GRIK3: variants seen among roughly 807,000 people sequenced by gnomAD.
GRIK3 encodes glutamate ionotropic receptor kainate type subunit 3.
In GRIK3, 29 loss-of-function variants were observed where a neutral mutation model predicts 102.5. The ratio of observed to expected loss-of-function variants is 0.28; its 90% CI spans 0.21 to 0.39. The LOEUF is 0.39. GRIK3 is among the 10% of genes least tolerant of loss of function. GRIK3 has a pLI of 1.00. For missense variants in GRIK3, 908 were observed against 1,252.4 expected (o/e 0.73, Z 4.15); for synonymous variants, 511 against 504.9 (o/e 1.01, Z -0.16).
intron 1 of GRIK3, among the ~76,000 whole-genome samples, chr1:37,032,011 G>A (rs908774904): frequency 6.6e-6 from 1 of 152,186 alleles, no homozygotes; most frequent in Non-Finnish European, 1.5e-5. Flanking sequence ...AGGGCTCTTG[G>A]ATATAAATGA....
chr1:36,924,903 C>T (rs996946369), intron 1 of GRIK3, among the ~76,000 whole-genome samples: 4 of 152,162 alleles, frequency 2.6e-5, no homozygotes, highest in African/African-American at 4.8e-5. Context: ...CCCAGACACA[C>T]ACAGACATGC....
intron 1 of GRIK3, among the ~76,000 whole-genome samples, chr1:36,919,573 T>C (rs1410955745): frequency 1.3e-5 from 2 of 151,988 alleles, no homozygotes; most frequent in East Asian, 3.9e-4. Flanking sequence ...GAGTCAGGCA[T>C]GGTCATGCCT....
intron 1 of GRIK3, among the ~76,000 whole-genome samples, chr1:36,923,575 C>A (rs528261023): frequency 1.2e-4 from 19 of 152,326 alleles, no homozygotes; most frequent in African/African-American, 3.4e-4. Flanking sequence ...GGCCCTAGCT[C>A]TATCCTTGCA....
chr1:36,940,124 G>T (rs1161356971), intron 1 of GRIK3, among the ~76,000 whole-genome samples: 2 of 152,232 alleles, frequency 1.3e-5, no homozygotes, highest in Non-Finnish European at 2.9e-5. Context: ...ATTACAGAAT[G>T]TAATAATTAT....
chr1:36,997,707 G>T (rs1235840823), intron 1 of GRIK3, among the ~76,000 whole-genome samples: 1 of 152,128 alleles, frequency 6.6e-6, no homozygotes, highest in Non-Finnish European at 1.5e-5. Context: ...GTGCCGTGGT[G>T]GTCAGGCCCA....
At chr1:36,912,372 T>C (rs544065612) in intron 1 of GRIK3, among the ~76,000 whole-genome samples, 1 of 152,222 alleles carries the variant, frequency 6.6e-6, no homozygotes, top group South Asian at 2.1e-4. Context: ...GCAGGCACCG[T>C]TGGGATGCAG....
chr1:36,932,353 G>A (rs543348263), intron 1 of GRIK3, among the ~76,000 whole-genome samples: 14 of 152,126 alleles, frequency 9.2e-5, no homozygotes, highest in Non-Finnish European at 1.9e-4. Context: ...CCAAGCATGC[G>A]ACAGCCACAG....
At chr1:36,976,547 G>T (rs2124362753) in intron 1 of GRIK3, among the ~76,000 whole-genome samples, 1 of 152,166 alleles carries the variant, frequency 6.6e-6, no homozygotes, top group Non-Finnish European at 1.5e-5. Flanking sequence ...GGTGGACAAG[G>T]TCTACCCAGT....
At chr1:36,984,284 C>T (rs1413819455) in intron 1 of GRIK3, among the ~76,000 whole-genome samples, 1 of 152,220 alleles carries the variant, frequency 6.6e-6, no homozygotes, top group African/African-American at 2.4e-5. Context: ...ATCTAATGCT[C>T]ACACCATACT....
intron 1 of GRIK3, among the ~76,000 whole-genome samples, chr1:37,014,060 C>T (rs538738383): frequency 2.0e-5 from 3 of 152,382 alleles, no homozygotes; most frequent in Admixed American, 1.3e-4. Context: ...GCATTCTTCA[C>T]AAGGCAGGCT....
intron 1 of GRIK3, among the ~76,000 whole-genome samples, chr1:36,978,861 G>A (rs971420158): frequency 1.3e-5 from 2 of 152,186 alleles, no homozygotes; most frequent in South Asian, 2.1e-4. Flanking sequence ...TAAGTCACAC[G>A]GCCAGCTAGA....
At chr1:36,915,044 G>A (rs1641383835) in intron 1 of GRIK3, among the ~76,000 whole-genome samples, 1 of 152,154 alleles carries the variant, frequency 6.6e-6, no homozygotes, top group South Asian at 2.1e-4. Context: ...AAGGAATTCT[G>A]AGCGACCTTG....
intron 9 of GRIK3, among the ~76,000 whole-genome samples, chr1:36,842,709 C>T (rs903239111): frequency 2.6e-5 from 4 of 152,218 alleles, no homozygotes; most frequent in Admixed American, 2.6e-4. Context: ...CAGAGCTCAG[C>T]AGACAGGAGC....
At chr1:36,997,510 G>A (rs191750216) in intron 1 of GRIK3, among the ~76,000 whole-genome samples, 3 of 152,316 alleles carry the variant, frequency 2.0e-5, no homozygotes, top group African/African-American at 4.8e-5. Flanking sequence ...CCATGGCACT[G>A]GGCAGGGGGG....
At chr1:37,024,333 A>G (rs1012906822) in intron 1 of GRIK3, among the ~76,000 whole-genome samples, 1 of 152,128 alleles carries the variant, frequency 6.6e-6, no homozygotes, top group East Asian at 1.9e-4. Context: ...GGTGATCATA[A>G]TAGTAGGAAT....
intron 7 of GRIK3, among the ~76,000 whole-genome samples, chr1:36,857,460 A>G (rs938129801): frequency 6.6e-5 from 10 of 152,170 alleles, no homozygotes; most frequent in Admixed American, 6.5e-4. Context: ...CTATGCCAAA[A>G]CATCTGGGAC....
Position 36,975,288 on chromosome 1 carries a change from G to GTTTTTTTTTTGT in GRIK3, c.115+58705_115+58706insACAAAAAAAAAA, listed in dbSNP as rs1642183396. 6.2e-5 allele frequency among the ~76,000 whole-genome samples: 7 copies of GTTTTTTTTTTGT among 113,372 alleles called. 1 individual carries two copies. Among genetic ancestry groups the GTTTTTTTTTTGT allele is most frequent in the East Asian group, 2.2e-4 (1 of 4,504 alleles). 74.4% of individuals were successfully genotyped at this position (113,372 alleles called of 152,430 possible). A position where few individuals can be genotyped will look rare whatever the true frequency, so the allele number is the denominator to read the frequency against. Reference sequence around the variant, plus strand: ...AAATCAATGAGCTTATCTAAAGTTGGTTTTTTTTTTTTTTTTTTTTGAGAG... The same window carrying GTTTTTTTTTTGT: ...AAATCAATGAGCTTATCTAAAGTTGGTTTTTTTTTTGTTTTTTTTTTTTTTTTTTTTTGAGAG... On this transcript the variant is annotated intron_variant, in intron 1 of 15. Coordinates refer to ENST00000373091, the MANE Select transcript of GRIK3 (RefSeq NM_000831.4).
intron 9 of GRIK3, among the ~76,000 whole-genome samples, chr1:36,847,038 G>A (rs510140): frequency 0.014 from 2,167 of 152,346 alleles, 54 homozygotes; most frequent in African/African-American, 0.049. Context: ...CTCACCCTCC[G>A]GTGATCTCTG....
At chr1:36,859,278 G>A (rs777116872) in intron 6 of GRIK3, 27 bp from the exon 7 acceptor site, 46 of 1,583,236 alleles carry the variant, frequency 2.9e-5, no homozygotes, top group South Asian at 7.9e-5. Context: ...GCCTGAGAGC[G>A]GCTCCCAAGG....
Sources: gnomAD v4.1 joint callset for allele counts (sites outside exome capture counted in the v4.1 genomes callset) on GRCh38, gnomAD v4.1.1 for gene constraint, MANE v1.5 for transcripts, NCBI Gene and HGNC (gene_info 2026-07-23, HGNC 2026-07-21) for gene names.